SLC8A1: variants seen among roughly 807,000 people sequenced by gnomAD.
SLC8A1 encodes the protein solute carrier family 8 member A1, also known as sodium/calcium exchanger 1.
In SLC8A1, 18 loss-of-function variants were observed where a neutral mutation model predicts 68.3. The observed-to-expected ratio is 0.26, with a 90% CI of 0.18 to 0.39. SLC8A1 has a LOEUF of 0.39. Among genes scored for constraint, SLC8A1 ranks in the 10% least tolerant of loss-of-function variants. SLC8A1 has a pLI of 1.00. For missense variants in SLC8A1, 985 were observed against 1,156.7 expected (o/e 0.85, Z 2.15); for synonymous variants, 475 against 415.5 (o/e 1.14, Z -1.74).
intron 2 of SLC8A1, among the ~76,000 whole-genome samples, chr2:40,243,660 A>G (rs1335120296): frequency 6.6e-6 from 1 of 152,198 alleles, no homozygotes; most frequent in East Asian, 1.9e-4. Flanking sequence ...AAGGAATGCA[A>G]CATCACATCA....
chr2:40,429,114 C>T (rs763837333), exon 2 of SLC8A1: 11 of 1,612,894 alleles, frequency 6.8e-6, no homozygotes, highest in African/African-American at 1.3e-5. Context: ...TGCTGACAGC[C>T]TTCCTTGCTT....
chr2:40,355,362 C>G (rs1327258971), intron 2 of SLC8A1, among the ~76,000 whole-genome samples: 8 of 152,122 alleles, frequency 5.3e-5, no homozygotes, highest in African/African-American at 1.4e-4. Flanking sequence ...TAAAAGGTCA[C>G]TTTCCATTTT....
intron 2 of SLC8A1, among the ~76,000 whole-genome samples, chr2:40,184,215 A>C (rs993719081): frequency 1.3e-5 from 2 of 152,174 alleles, no homozygotes; most frequent in African/African-American, 4.8e-5. Context: ...TAAACATTAA[A>C]AGTTTTTTAG....
chr2:40,342,928 T>C (rs367983830), intron 2 of SLC8A1, among the ~76,000 whole-genome samples: 1 of 152,162 alleles, frequency 6.6e-6, no homozygotes, highest in African/African-American at 2.4e-5. Flanking sequence ...AAAATGTGTC[T>C]GCACAGAGGT....
At chr2:40,307,144 T>TACACACACACACAC (rs753955915) in intron 2 of SLC8A1, among the ~76,000 whole-genome samples, 160 of 101,200 alleles carry the variant, frequency 1.6e-3, no homozygotes, top group African/African-American at 3.4e-3. Flanking sequence ...GAAAATGTGA[T>TACACACACACACAC]ATACACACAC....
intron 1 of SLC8A1, among the ~76,000 whole-genome samples, chr2:40,475,604 A>ATG: frequency 6.6e-6 from 1 of 152,116 alleles, no homozygotes; most frequent in African/African-American, 2.4e-5. Flanking sequence ...TACATGACAT[A>ATG]TGTACATGTA....
chr2:40,450,949 C>T (rs1168760015), intron 1 of SLC8A1, among the ~76,000 whole-genome samples: 1 of 151,194 alleles, frequency 6.6e-6, no homozygotes, highest in African/African-American at 2.4e-5. Flanking sequence ...CATCAAACAG[C>T]AACAGAATCC....
At chr2:40,317,125 C>G (rs542501193) in intron 2 of SLC8A1, among the ~76,000 whole-genome samples, 1 of 152,064 alleles carries the variant, frequency 6.6e-6, no homozygotes, top group Admixed American at 6.6e-5. Context: ...TAATATGTTA[C>G]TGAATAGTTC....
At chr2:40,301,545 G>C (rs1230148679) in intron 2 of SLC8A1, among the ~76,000 whole-genome samples, 2 of 152,100 alleles carry the variant, frequency 1.3e-5, no homozygotes, top group Admixed American at 6.5e-5. Flanking sequence ...TAAGCTATGA[G>C]GATGCAAAGG....
chr2:40,435,312 G>A (rs893055646), intron 1 of SLC8A1, among the ~76,000 whole-genome samples: 2 of 152,154 alleles, frequency 1.3e-5, no homozygotes, highest in Admixed American at 6.5e-5. Context: ...AAGAGATGAT[G>A]CCAGAGGATG....
chr2:40,225,989 A>C (rs945808285), intron 2 of SLC8A1, among the ~76,000 whole-genome samples: 1 of 152,182 alleles, frequency 6.6e-6, no homozygotes, highest in African/African-American at 2.4e-5. Context: ...CAGGCAAGTA[A>C]ATAAGATGGT....
chr2:40,148,229 T>A (rs1217767222), intron 6 of SLC8A1, among the ~76,000 whole-genome samples: 2 of 152,248 alleles, frequency 1.3e-5, no homozygotes, highest in African/African-American at 4.8e-5. Context: ...TTATTCTTCC[T>A]GGAATTTTAT....
intron 2 of SLC8A1, among the ~76,000 whole-genome samples, chr2:40,391,220 G>C (rs767135854): frequency 4.7e-5 from 3 of 63,446 alleles, no homozygotes; most frequent in Non-Finnish European, 9.0e-5. Flanking sequence ...GTGTGTATGT[G>C]TGTGTGTACA....
chr2:40,384,653 G>T (rs1351771711), intron 2 of SLC8A1, among the ~76,000 whole-genome samples: 1 of 152,002 alleles, frequency 6.6e-6, no homozygotes, highest in Non-Finnish European at 1.5e-5. Flanking sequence ...ATCTTTGGTG[G>T]AATATTTTAT....
chr2:40,247,943 G>A (rs2062117051), intron 2 of SLC8A1, among the ~76,000 whole-genome samples: 1 of 152,174 alleles, frequency 6.6e-6, no homozygotes, highest in Non-Finnish European at 1.5e-5. Flanking sequence ...TATACTCAAT[G>A]CTCAGTAAAG....
intron 2 of SLC8A1, chr2:40,220,148 CTTTTTTT>C (rs5830614): frequency 6.9e-6 from 1 of 143,952 alleles, no homozygotes; most frequent in African/African-American, 2.6e-5. Context: ...ACAAAATAGG[CTTTTTTT>C]TTTTTTTGAG....
At chr2:40,371,043 C>T (rs551917424) in intron 2 of SLC8A1, among the ~76,000 whole-genome samples, 15 of 152,146 alleles carry the variant, frequency 9.9e-5, no homozygotes, top group African/African-American at 3.6e-4. Context: ...CTCTTACTTT[C>T]AGAAAGGTTT....
intron 6 of SLC8A1, among the ~76,000 whole-genome samples, chr2:40,155,572 C>T (rs374153): frequency 0.78 from 118,446 of 152,124 alleles, 47,420 homozygotes; most frequent in East Asian, 0.99. Context: ...CCAGATTTCA[C>T]GGCAATCCCT....
chr2:40,313,497 G>T (rs558742207), intron 2 of SLC8A1, among the ~76,000 whole-genome samples: 2 of 151,954 alleles, frequency 1.3e-5, no homozygotes, highest in Non-Finnish European at 2.9e-5. Context: ...TAAGGTAGTC[G>T]TACCATTTTA....
Sources: gnomAD v4.1 joint callset for allele counts (sites outside exome capture counted in the v4.1 genomes callset) on GRCh38, gnomAD v4.1.1 for gene constraint, MANE v1.5 for transcripts, NCBI Gene and HGNC (gene_info 2026-07-23, HGNC 2026-07-21) for gene names.